PDE1C: variants seen among roughly 807,000 people sequenced by gnomAD.
PDE1C encodes the protein dual specificity calcium/calmodulin-dependent 3',5'-cyclic nucleotide phosphodiesterase 1C.
PDE1C carries 62 observed loss-of-function variants against 93.1 expected under a neutral mutation model. The ratio of observed to expected loss-of-function variants is 0.67; its 90% CI spans 0.54 to 0.82. The LOEUF is 0.82. PDE1C is among the 40% of genes least tolerant of loss of function. The pLI is 0.00. For synonymous variants in PDE1C, 325 were observed against 310.1 expected (o/e 1.05, Z -0.50); for missense variants, 742 against 884.6 (o/e 0.84, Z 2.04).
intron 2 of PDE1C, among the ~76,000 whole-genome samples, chr7:31,943,144 G>T (rs943853985): frequency 1.3e-5 from 2 of 152,138 alleles, no homozygotes; most frequent in Admixed American, 1.3e-4. Flanking sequence ...CTTGTCCTTT[G>T]GCAGTTTGGA....
the PDE1C span, chr7:31,658,531 A>T: frequency 1.7e-6 from 1 of 592,694 alleles, no homozygotes; most frequent in Non-Finnish European, 2.5e-6. Context: ...TTCATGTGGA[A>T]TGGTGGGTTG....
At chr7:31,948,864 G>T (rs1365306588) in intron 2 of PDE1C, among the ~76,000 whole-genome samples, 1 of 152,146 alleles carries the variant, frequency 6.6e-6, no homozygotes, top group African/African-American at 2.4e-5. Context: ...ACAGCAAAAA[G>T]AAAGCTTTCT....
At chr7:32,316,887 C>T (rs1178431339) in intron 1 of PDE1C, among the ~76,000 whole-genome samples, 1 of 152,202 alleles carries the variant, frequency 6.6e-6, no homozygotes, top group Non-Finnish European at 1.5e-5. Context: ...AACACACTGC[C>T]TCTCAAGCCA....
At chr7:32,252,463 G>A (rs1007867691) in intron 1 of PDE1C, among the ~76,000 whole-genome samples, 1 of 152,226 alleles carries the variant, frequency 6.6e-6, no homozygotes, top group Admixed American at 6.5e-5. Context: ...TCTAGTCTGG[G>A]GGGAAAGGGA....
intron 16 of PDE1C, chr7:31,785,762 C>G (rs1258750125): frequency 1.3e-5 from 2 of 152,060 alleles, no homozygotes; most frequent in African/African-American, 4.8e-5. Flanking sequence ...GCAAATGACT[C>G]TGGTAACATT....
chr7:31,735,613 G>A, the PDE1C span, among the ~76,000 whole-genome samples: 2 of 152,190 alleles, frequency 1.3e-5, no homozygotes, highest in Non-Finnish European at 2.9e-5. Flanking sequence ...TCTGTCAAGT[G>A]AGAATAACAG....
In PDE1C at chr7:31,865,048, G is replaced by A; in HGVS notation, c.644C>T (p.Ala215Val). 7 of 1,614,026 alleles carry A rather than the reference G, an allele frequency of 4.3e-6. No homozygotes were observed. The highest frequency in any genetic ancestry group is 5.1e-6 in the Non-Finnish European group (6 of 1,179,972). ...GTGCTTGCTGTATCCCACTTCCAGGGCCTCCACAAATGAGACAAGTGCAGA... is the reference window on the plus strand; with the variant it reads ...GTGCTTGCTGTATCCCACTTCCAGGACCTCCACAAATGAGACAAGTGCAGA... ...PISALVSFVE[A>V]LEVGYSKHKN... The change falls in exon 7 of 18, where the codon GCC becomes GTC. Residue 215 changes from alanine (A) to valine (V), a missense_variant. Transcript: ENST00000396191.
At chr7:32,299,773 T>A (rs1209382720), upstream of PDE1C, among the ~76,000 whole-genome samples, 1 of 152,058 alleles carries the variant, frequency 6.6e-6, no homozygotes, top group Non-Finnish European at 1.5e-5. Context: ...ACTGGGAAAA[T>A]TTTTCCCACC....
chr7:31,900,640 A>G (rs1799855018), intron 2 of PDE1C, among the ~76,000 whole-genome samples: 1 of 151,894 alleles, frequency 6.6e-6, no homozygotes, highest in Non-Finnish European at 1.5e-5. Context: ...AAGCTCGGTA[A>G]TTTTATACAT....
chr7:32,155,707 C>T (rs1479279442), intron 3 of PDE1C, among the ~76,000 whole-genome samples: 1 of 152,220 alleles, frequency 6.6e-6, no homozygotes, highest in Non-Finnish European at 1.5e-5. Context: ...ATGCATGCCT[C>T]CTGGACTCCT....
chr7:32,131,620 C>T (rs1799925137), intron 3 of PDE1C, among the ~76,000 whole-genome samples: 1 of 152,064 alleles, frequency 6.6e-6, no homozygotes. Context: ...TATTGAATTT[C>T]AAACTGATCT....
intron 1 of PDE1C, among the ~76,000 whole-genome samples, chr7:32,262,368 G>T (rs143871820): frequency 5.9e-5 from 9 of 152,096 alleles, no homozygotes; most frequent in African/African-American, 2.2e-4. Flanking sequence ...GGAACAGGGG[G>T]TGCTGATTAC....
At chr7:32,122,861 G>A (rs537251253) in intron 3 of PDE1C, among the ~76,000 whole-genome samples, 114 of 152,192 alleles carry the variant, frequency 7.5e-4, no homozygotes, top group African/African-American at 2.6e-3. Flanking sequence ...AAATAACCAC[G>A]ATCAGAGCAG....
intron 7 of PDE1C, among the ~76,000 whole-genome samples, chr7:31,861,146 C>T (rs545989305): frequency 1.3e-5 from 2 of 152,266 alleles, no homozygotes; most frequent in South Asian, 2.1e-4. Context: ...ACTTGACCAT[C>T]GGCATGTCCC....
At chr7:31,997,625 G>C (rs1027316257) in intron 2 of PDE1C, among the ~76,000 whole-genome samples, 1 of 152,130 alleles carries the variant, frequency 6.6e-6, no homozygotes, top group Non-Finnish European at 1.5e-5. Context: ...CAGCTATCTG[G>C]TAAGTACCTA....
intron 1 of PDE1C, among the ~76,000 whole-genome samples, chr7:32,212,338 C>T (rs924072896): frequency 2.6e-5 from 4 of 152,170 alleles, no homozygotes; most frequent in Non-Finnish European, 5.9e-5. Context: ...ATGGGAATTG[C>T]TGACCCAGAT....
chr7:32,084,384 C>T (rs1489542262), intron 3 of PDE1C, among the ~76,000 whole-genome samples: 2 of 149,738 alleles, frequency 1.3e-5, no homozygotes, highest in African/African-American at 2.5e-5. Flanking sequence ...GAGACTTAGA[C>T]TCCCACACAA....
intron 2 of PDE1C, among the ~76,000 whole-genome samples, chr7:32,012,822 C>A (rs1207411400): frequency 6.6e-6 from 1 of 152,138 alleles, no homozygotes; most frequent in Non-Finnish European, 1.5e-5. Flanking sequence ...TATTTCAAGT[C>A]CTGGCTCTAC....
intron 1 of PDE1C, among the ~76,000 whole-genome samples, chr7:32,234,357 T>C (rs1807920308): frequency 1.3e-5 from 2 of 151,752 alleles, no homozygotes; most frequent in East Asian, 1.9e-4. Flanking sequence ...GATGAACCTA[T>C]GGCAAAACCT....
Sources: allele counts gnomAD v4.1 joint callset (sites outside exome capture counted in the v4.1 genomes callset), GRCh38; gene constraint gnomAD v4.1.1; transcripts MANE v1.5; gene names NCBI Gene and HGNC (gene_info 2026-07-23, HGNC 2026-07-21).